The following CPA6 variants were observed in gnomAD, a reference collection of about 807,000 sequenced individuals.
CPA6 encodes the protein carboxypeptidase B.
CPA6 carries 58 observed loss-of-function variants against 63.3 expected under a neutral mutation model. That is an observed-to-expected ratio of 0.92 (90% CI 0.74 to 1.14). CPA6 has a LOEUF of 1.14. Among genes scored for constraint, CPA6 ranks in the 50% most tolerant of loss-of-function variants. The pLI, the probability that CPA6 is intolerant of heterozygous loss-of-function variation, is 0.00. For missense variants in CPA6, 565 were observed against 526.6 expected, an observed-to-expected ratio of 1.07 and a Z score of -0.71; for synonymous variants, 185 against 179.0, an observed-to-expected ratio of 1.03 and a Z score of -0.27.
intron 2 of CPA6, among the ~76,000 whole-genome samples, chr8:67,533,963 C>T (rs898707164): frequency 3.3e-5 from 5 of 152,104 alleles, no homozygotes; most frequent in Admixed American, 6.5e-5. Context: ...ATGTGGTTGA[C>T]GAAAAGGTGC....
intron 2 of CPA6, among the ~76,000 whole-genome samples, chr8:67,539,316 A>G (rs1044926624): frequency 2.6e-5 from 4 of 152,172 alleles, no homozygotes; most frequent in African/African-American, 9.7e-5. Flanking sequence ...AGAACGTTGA[A>G]TATTGGCCTC....
intron 8 of CPA6, among the ~76,000 whole-genome samples, chr8:67,448,350 C>T (rs76849563): frequency 6.6e-6 from 1 of 151,954 alleles, no homozygotes; most frequent in Non-Finnish European, 1.5e-5. Flanking sequence ...TAAAAAATGG[C>T]TTTTGTTTTT....
intron 1 of CPA6, among the ~76,000 whole-genome samples, chr8:67,713,097 G>GTGTATATATATATATATATA (rs1817302753): frequency 3.3e-5 from 2 of 60,246 alleles, no homozygotes; most frequent in East Asian, 1.2e-3. Context: ...GTGTGTGTGT[G>GTGTATATATATATATATATA]TGTATATATA....
At chr8:67,728,941 G>A (rs1025017910) in intron 1 of CPA6, among the ~76,000 whole-genome samples, 2 of 152,190 alleles carry the variant, frequency 1.3e-5, no homozygotes, top group African/African-American at 4.8e-5. Flanking sequence ...TTGGAAGAAA[G>A]AGACCACCCA....
rs140138969 is a variant in CPA6, at chr8:67,628,654, T to C, written c.117-4403A>G. 7.3e-3 allele frequency among the ~76,000 whole-genome samples: 1,105 copies of C among 152,372 alleles called. 15 individuals are homozygous for C. Among genetic ancestry groups the C allele is most frequent in the African/African-American group, 0.025 (1,052 of 41,588 alleles). On this transcript the variant is annotated intron_variant, in intron 1 of 10. Transcript: ENST00000297770. ...ATTTTGTAACACTAATTTGCTTTTA[T>C]CTTTTACTTCATATGTTGGTTTTAA...
At chr8:67,614,822 C>T (rs925137096) in intron 2 of CPA6, among the ~76,000 whole-genome samples, 9 of 152,166 alleles carry the variant, frequency 5.9e-5, no homozygotes, top group African/African-American at 2.2e-4. Context: ...TCTTTGGCCA[C>T]TGAATAAAAA....
chr8:67,461,641 G>A (rs1030431513), intron 8 of CPA6, among the ~76,000 whole-genome samples: 5 of 152,206 alleles, frequency 3.3e-5, no homozygotes, highest in Non-Finnish European at 7.3e-5. Context: ...GGGGCGGCCG[G>A]GCAGAGGTGC....
At chr8:67,632,194 A>G (rs1316393408) in intron 1 of CPA6, among the ~76,000 whole-genome samples, 1 of 151,424 alleles carries the variant, frequency 6.6e-6, no homozygotes, top group Non-Finnish European at 1.5e-5. Context: ...TTTCTCAGAG[A>G]CAGTCTCGCT....
chr8:67,641,682 A>G (rs939250847), intron 1 of CPA6, among the ~76,000 whole-genome samples: 1 of 152,228 alleles, frequency 6.6e-6, no homozygotes, highest in Non-Finnish European at 1.5e-5. Context: ...CAAGAATAAG[A>G]AAAGGATGCT....
intron 2 of CPA6, chr8:67,569,897 A>G (rs147830839): frequency 5.6e-6 from 1 of 177,716 alleles, no homozygotes; most frequent in Non-Finnish European, 1.2e-5. Flanking sequence ...AGCCTCTTCC[A>G]ACTGTACAAG....
chr8:67,596,780 G>A (rs879698474), intron 2 of CPA6, among the ~76,000 whole-genome samples: 1 of 152,046 alleles, frequency 6.6e-6, no homozygotes, highest in South Asian at 2.1e-4. Flanking sequence ...TCTCTCTTTG[G>A]TCTCCTTTAA....
chr8:67,722,033 T>C (rs185083195), intron 1 of CPA6, among the ~76,000 whole-genome samples: 1 of 152,340 alleles, frequency 6.6e-6, no homozygotes, highest in East Asian at 1.9e-4. Context: ...TGTACCTCAC[T>C]TACATTTTTT....
At chr8:67,666,221 C>G (rs960672913) in intron 1 of CPA6, among the ~76,000 whole-genome samples, 1 of 152,176 alleles carries the variant, frequency 6.6e-6, no homozygotes, top group African/African-American at 2.4e-5. Context: ...ACTTCCACAC[C>G]TATTTTACTA....
chr8:67,598,448 A>G (rs1227172579), intron 2 of CPA6, among the ~76,000 whole-genome samples: 1 of 152,208 alleles, frequency 6.6e-6, no homozygotes, highest in Non-Finnish European at 1.5e-5. Flanking sequence ...ATTAAAGTTT[A>G]TATATTGTAA....
intron 1 of CPA6, among the ~76,000 whole-genome samples, chr8:67,739,872 G>A (rs1169377800): frequency 2.0e-5 from 3 of 152,150 alleles, no homozygotes; most frequent in Non-Finnish European, 4.4e-5. Context: ...CTAGAGAATG[G>A]CAGATCAGTT....
At chr8:67,557,088 A>C (rs1813080207) in intron 2 of CPA6, among the ~76,000 whole-genome samples, 1 of 152,146 alleles carries the variant, frequency 6.6e-6, no homozygotes, top group Admixed American at 6.5e-5. Context: ...TGTGGGCCAC[A>C]TTTTATCTTT....
Position 67,610,039 on chromosome 8 carries a change from CAAAACA to C in CPA6, c.192+14131_192+14136del, listed in dbSNP as rs1384239296. Among the ~76,000 whole-genome samples the C allele has an allele frequency of 2.8e-3, 427 of 151,202 alleles. 3 individuals are homozygous for C. Among genetic ancestry groups the C allele is most frequent in the African/African-American group, 9.9e-3 (410 of 41,218 alleles). On this transcript the variant is annotated intron_variant, in intron 2 of 10. Coordinates refer to ENST00000297770, the MANE Select transcript of CPA6 (RefSeq NM_020361.5). ...TCCGTCTCAACAAAACAAAACAAAA[CAAAACA>C]AAACAAAACAAAACAAAAACCCCCC... is the stretch of plus-strand genomic sequence containing the variant.
At chr8:67,442,993 C>G (rs1294048987) in intron 8 of CPA6, among the ~76,000 whole-genome samples, 1 of 152,144 alleles carries the variant, frequency 6.6e-6, no homozygotes. Flanking sequence ...ACTCTTCCAG[C>G]CCCATCCTTC....
In CPA6 at chr8:67,743,344, A is replaced by G. The variant is rs1222394768; in HGVS notation, c.116+2670T>C. Among the ~76,000 whole-genome samples, 4 of 152,174 alleles carry G rather than the reference A, an allele frequency of 2.6e-5. No homozygotes were observed. The South Asian group carries it at 8.3e-4, about 32-fold the overall frequency. ...TTTGTGGGTATATAGAAGTATATAC[A>G]TACTACTATATACCCAATATATATT... On this transcript the variant is annotated intron_variant, in intron 1 of 10. Coordinates refer to ENST00000297770, the MANE Select transcript of CPA6 (RefSeq NM_020361.5).
Sources: gnomAD v4.1 joint callset for allele counts (sites outside exome capture counted in the v4.1 genomes callset) on GRCh38, gnomAD v4.1.1 for gene constraint, MANE v1.5 for transcripts, NCBI Gene and HGNC (gene_info 2026-07-23, HGNC 2026-07-21) for gene names.